Variants in BRD10 observed in about 807,000 individuals in gnomAD.
The protein encoded by BRD10 is uncharacterized bromodomain-containing protein 10.
the BRD10 span, among the ~76,000 whole-genome samples, chr9:5,992,133 T>C: frequency 6.6e-6 from 1 of 152,230 alleles, no homozygotes; most frequent in Non-Finnish European, 1.5e-5. Flanking sequence ...AGTTTCTTTT[T>C]CATGTCACTT....
chr9:5,988,531 T>G, the BRD10 span: 1 of 1,613,598 alleles, frequency 6.2e-7, no homozygotes, highest in Non-Finnish European at 8.5e-7. Context: ...TATCGTTGTC[T>G]TTTCTCTCAA....
the BRD10 span, among the ~76,000 whole-genome samples, chr9:5,972,508 T>C: frequency 1.5e-4 from 23 of 152,142 alleles, no homozygotes; most frequent in Non-Finnish European, 4.4e-5. Flanking sequence ...GTTATGGGGG[T>C]AGATCTCTCA....
chr9:5,955,255 TATAAA>T, the BRD10 span, among the ~76,000 whole-genome samples: 1 of 151,708 alleles, frequency 6.6e-6, no homozygotes, highest in African/African-American at 2.4e-5. Context: ...AGTAAAAAAT[TATAAA>T]AAAGAAAAAT....
the BRD10 span, among the ~76,000 whole-genome samples, chr9:5,996,776 T>G: frequency 1.3e-5 from 2 of 152,248 alleles, no homozygotes; most frequent in Non-Finnish European, 2.9e-5. Flanking sequence ...TTGACAAGTG[T>G]GATAAGCATT....
At chr9:5,991,401 C>A in the BRD10 span, among the ~76,000 whole-genome samples, 3 of 151,996 alleles carry the variant, frequency 2.0e-5, no homozygotes, top group Non-Finnish European at 4.4e-5. Context: ...AGAGTCTACT[C>A]ATATAGTAAC....
chr9:6,000,203 G>C, the BRD10 span, among the ~76,000 whole-genome samples: 2 of 151,862 alleles, frequency 1.3e-5, no homozygotes, highest in Admixed American at 6.6e-5. Context: ...TGACTGTAAT[G>C]CATGCTTATT....
At chr9:5,960,627 A>T in the BRD10 span, among the ~76,000 whole-genome samples, 3 of 152,082 alleles carry the variant, frequency 2.0e-5, no homozygotes, top group African/African-American at 7.2e-5. Context: ...CTTTCCAAAC[A>T]GAACTGGTTG....
the BRD10 span, among the ~76,000 whole-genome samples, chr9:5,916,633 G>A: frequency 2.0e-5 from 3 of 151,838 alleles, no homozygotes; most frequent in South Asian, 6.2e-4. Context: ...GTGAGGGCAG[G>A]AAAAACCATA....
chr9:5,998,769 G>C, the BRD10 span, among the ~76,000 whole-genome samples: 1 of 151,992 alleles, frequency 6.6e-6, no homozygotes, highest in Non-Finnish European at 1.5e-5. Flanking sequence ...ATGATTAAGA[G>C]CTTTGACTTA....
At chr9:6,003,857 A>T in the BRD10 span, among the ~76,000 whole-genome samples, 36 of 152,362 alleles carry the variant, frequency 2.4e-4, no homozygotes, top group African/African-American at 7.7e-4. Context: ...AGATATTTCA[A>T]AAGGTAAAAT....
the BRD10 span, among the ~76,000 whole-genome samples, chr9:5,988,768 T>C: frequency 6.6e-6 from 1 of 151,852 alleles, no homozygotes; most frequent in South Asian, 2.1e-4. Flanking sequence ...AAAAAAAATC[T>C]GAGACTGAAG....
At chr9:5,987,411 T>A in the BRD10 span, among the ~76,000 whole-genome samples, 5 of 152,132 alleles carry the variant, frequency 3.3e-5, no homozygotes, top group African/African-American at 4.8e-5. Context: ...ATTCTCCCCA[T>A]TCCAATCTAC....
the BRD10 span, among the ~76,000 whole-genome samples, chr9:5,964,044 A>G: frequency 6.6e-6 from 1 of 152,178 alleles, no homozygotes; most frequent in African/African-American, 2.4e-5. Context: ...CAAAAGCCAC[A>G]ATTGACAAAT....
chr9:5,980,910 A>G, the BRD10 span, among the ~76,000 whole-genome samples: 16 of 152,300 alleles, frequency 1.1e-4, no homozygotes, highest in East Asian at 3.1e-3. Flanking sequence ...TTCTTATGCC[A>G]AAGGTTTTAA....
At chr9:5,913,855 C>A in the BRD10 span, 2 of 274,384 alleles carry the variant, frequency 7.3e-6, no homozygotes, top group South Asian at 6.7e-5. Flanking sequence ...AATGGTCTCC[C>A]ACCTGAGTAA....
chr9:5,964,401 A>C, the BRD10 span, among the ~76,000 whole-genome samples: 1 of 151,896 alleles, frequency 6.6e-6, no homozygotes, highest in African/African-American at 2.4e-5. Flanking sequence ...AAAAGTCAGG[A>C]AACAACAGGT....
the BRD10 span, among the ~76,000 whole-genome samples, chr9:5,934,263 G>A: frequency 7.2e-5 from 11 of 151,890 alleles, no homozygotes; most frequent in African/African-American, 2.7e-4. Context: ...ACAGACACAT[G>A]AAGCACAGAA....
At chr9:5,889,720 G>T in the BRD10 span, among the ~76,000 whole-genome samples, 1 of 152,160 alleles carries the variant, frequency 6.6e-6, no homozygotes, top group African/African-American at 2.4e-5. Context: ...GGGAGGCAGA[G>T]GTTGTAGTGA....
chr9:5,913,132 C>T, the BRD10 span, among the ~76,000 whole-genome samples: 1 of 152,102 alleles, frequency 6.6e-6, no homozygotes, highest in African/African-American at 2.4e-5. Flanking sequence ...CAAGAGCTAG[C>T]CAAAAGATTT....
Sources: allele counts gnomAD v4.1 joint callset (sites outside exome capture counted in the v4.1 genomes callset), GRCh38; gene constraint gnomAD v4.1.1; transcripts MANE v1.5; gene names NCBI Gene and HGNC (gene_info 2026-07-23, HGNC 2026-07-21).